The following SLC2A9 variants were observed in gnomAD, a reference collection of about 807,000 sequenced individuals.
SLC2A9 encodes the protein solute carrier family 2 member 9, also known as solute carrier family 2, facilitated glucose transporter member 9.
Under a neutral mutation model 50.6 loss-of-function variants are expected in SLC2A9, and 39 were observed. The observed-to-expected ratio is 0.77, with a 90% CI of 0.60 to 1.01. The LOEUF is 1.01. Among genes scored for constraint, SLC2A9 ranks in the 50% least tolerant of loss-of-function variants. The pLI, the probability that SLC2A9 is intolerant of heterozygous loss-of-function variation, is 0.00. For synonymous variants in SLC2A9, 324 were observed against 276.9 expected (o/e 1.17, Z -1.69); for missense variants, 686 against 677.6 (o/e 1.01, Z -0.14).
At chr4:9,850,807 C>A (rs1397431694) in intron 10 of SLC2A9, among the ~76,000 whole-genome samples, 1 of 152,132 alleles carries the variant, frequency 6.6e-6, no homozygotes, top group Non-Finnish European at 1.5e-5. Flanking sequence ...CACATAATGC[C>A]ACCACTGCTG....
At chr4:9,986,295 C>A (rs1035082503) in intron 3 of SLC2A9, among the ~76,000 whole-genome samples, 3 of 152,180 alleles carry the variant, frequency 2.0e-5, no homozygotes, top group African/African-American at 7.2e-5. Flanking sequence ...TGAGAGTGGG[C>A]ACTGTCCACT....
chr4:10,027,709 AC>A (rs1473160973), intron 1 of SLC2A9, among the ~76,000 whole-genome samples: 1 of 150,632 alleles, frequency 6.6e-6, no homozygotes, highest in East Asian at 2.0e-4. Context: ...AGAACTGCCT[AC>A]CCAGGCATTT....
downstream of SLC2A9, among the ~76,000 whole-genome samples, chr4:9,822,897 T>C (rs1724603519): frequency 6.6e-6 from 1 of 152,186 alleles, no homozygotes; most frequent in African/African-American, 2.4e-5. Flanking sequence ...CCTGCAGCTT[T>C]TTCAGTCCAT....
At chr4:9,960,740 G>C (rs181504478) in intron 5 of SLC2A9, among the ~76,000 whole-genome samples, 1 of 152,220 alleles carries the variant, frequency 6.6e-6, no homozygotes, top group Non-Finnish European at 1.5e-5. Flanking sequence ...TGGATTGAGA[G>C]GGGTGATGAG....
chr4:9,966,548 C>T (rs1183396359), intron 5 of SLC2A9, among the ~76,000 whole-genome samples: 1 of 151,978 alleles, frequency 6.6e-6, no homozygotes, highest in Non-Finnish European at 1.5e-5. Flanking sequence ...CCCAGCTACT[C>T]GAGCGGCTGA....
At chr4:9,818,835 G>T (rs1425621640) in intron 3 of SLC2A9, among the ~76,000 whole-genome samples, 2 of 152,128 alleles carry the variant, frequency 1.3e-5, no homozygotes, top group Non-Finnish European at 2.9e-5. Context: ...AAGTATACAG[G>T]TCTTGGGCTG....
downstream of SLC2A9, among the ~76,000 whole-genome samples, chr4:9,777,905 A>G (rs1560270355): frequency 6.6e-6 from 1 of 152,194 alleles, no homozygotes; most frequent in African/African-American, 2.4e-5. Context: ...CAGGATGGAG[A>G]GGTTCAAACA....
At chr4:9,883,131 C>CCA (rs1287985895) in intron 10 of SLC2A9, among the ~76,000 whole-genome samples, 3 of 56,352 alleles carry the variant, frequency 5.3e-5, no homozygotes, top group African/African-American at 2.3e-4. Flanking sequence ...AGCAAGCTAT[C>CCA]TACACACACA....
chr4:9,972,389 A>G (rs1754052134), intron 5 of SLC2A9, among the ~76,000 whole-genome samples: 1 of 152,234 alleles, frequency 6.6e-6, no homozygotes, highest in Admixed American at 6.5e-5. Context: ...AAAAAAATAT[A>G]TCATTTGGAG....
At chr4:9,805,544 C>CA (rs911742019) in intron 3 of SLC2A9, among the ~76,000 whole-genome samples, 8 of 152,124 alleles carry the variant, frequency 5.3e-5, no homozygotes, top group South Asian at 2.1e-4. Flanking sequence ...ACTAGAAATA[C>CA]AAAAAAATCA....
At chr4:9,925,445 G>C (rs951541387) in intron 6 of SLC2A9, among the ~76,000 whole-genome samples, 1 of 152,218 alleles carries the variant, frequency 6.6e-6, no homozygotes, top group Non-Finnish European at 1.5e-5. Context: ...CTGTGTTACT[G>C]TGGAAAGGGG....
chr4:9,913,594 C>T (rs1742300143), intron 7 of SLC2A9, among the ~76,000 whole-genome samples: 1 of 152,128 alleles, frequency 6.6e-6, no homozygotes, highest in South Asian at 2.1e-4. Flanking sequence ...GGGGAGCATC[C>T]ACTAGGGAAC....
At chr4:9,912,150 G>A (rs1424571051) in intron 7 of SLC2A9, among the ~76,000 whole-genome samples, 1 of 152,188 alleles carries the variant, frequency 6.6e-6, no homozygotes, top group South Asian at 2.1e-4. Context: ...TGGGGTGGGG[G>A]GAGCGGGGAG....
At chr4:9,869,464 C>T (rs1194307935) in intron 10 of SLC2A9, among the ~76,000 whole-genome samples, 1 of 132,902 alleles carries the variant, frequency 7.5e-6, no homozygotes, top group Non-Finnish European at 1.5e-5. Flanking sequence ...TGGCCCTGGG[C>T]TCCTGTGCTC....
intron 6 of SLC2A9, among the ~76,000 whole-genome samples, chr4:9,921,438 T>C (rs1254068769): frequency 2.6e-5 from 4 of 152,326 alleles, no homozygotes; most frequent in Non-Finnish European, 5.9e-5. Flanking sequence ...CAATGCTCAG[T>C]GCTCTGATCT....
chr4:9,947,301 G>A (rs1203624398), intron 5 of SLC2A9, among the ~76,000 whole-genome samples: 2 of 152,174 alleles, frequency 1.3e-5, no homozygotes, highest in African/African-American at 4.8e-5. Context: ...TGTCTCTGCT[G>A]CAAGGTGTAC....
chr4:9,814,686 C>A (rs549097687), intron 3 of SLC2A9, among the ~76,000 whole-genome samples: 50 of 152,146 alleles, frequency 3.3e-4, no homozygotes, highest in Non-Finnish European at 6.5e-4. Context: ...TGTGGTCTTT[C>A]ATGCTCAAGA....
At chr4:9,890,952 T>G (rs1737295572) in intron 8 of SLC2A9, among the ~76,000 whole-genome samples, 1 of 152,200 alleles carries the variant, frequency 6.6e-6, no homozygotes, top group East Asian at 1.9e-4. Context: ...AGCACTCTCC[T>G]CCGAATCTTC....
chr4:9,775,060 C>A (rs142021630), downstream of SLC2A9, among the ~76,000 whole-genome samples: 1 of 152,172 alleles, frequency 6.6e-6, no homozygotes. Flanking sequence ...AGCATAATGA[C>A]GGGCACTTCT....
Sources: allele counts gnomAD v4.1 joint callset (sites outside exome capture counted in the v4.1 genomes callset), GRCh38; gene constraint gnomAD v4.1.1; transcripts MANE v1.5; gene names NCBI Gene and HGNC (gene_info 2026-07-23, HGNC 2026-07-21).